The following CA10 variants were observed in gnomAD, a reference collection of about 807,000 sequenced individuals.
CA10 encodes the protein carbonic anhydrase-related protein 10.
CA10 carries 14 observed loss-of-function variants against 44.2 expected under a neutral mutation model. The observed-to-expected ratio is 0.32, with a 90% confidence interval of 0.21 to 0.50. CA10 has a LOEUF of 0.50. Ranked by LOEUF, CA10 falls within the 20% of genes least tolerant of loss-of-function variation. The pLI is 0.99. For missense variants in CA10, 350 were observed against 409.7 expected, an observed-to-expected ratio of 0.85 and a Z score of 1.26; for synonymous variants, 159 against 141.6, an observed-to-expected ratio of 1.12 and a Z score of -0.87.
chr17:51,909,879 C>CTT (rs1981718427), intron 3 of CA10, among the ~76,000 whole-genome samples: 1 of 152,162 alleles, frequency 6.6e-6, no homozygotes, highest in Non-Finnish European at 1.5e-5. Context: ...ACCACCTTCT[C>CTT]TATTTTCACT....
intron 2 of CA10, among the ~76,000 whole-genome samples, chr17:51,944,930 T>C (rs1051998978): frequency 3.3e-5 from 5 of 152,164 alleles, no homozygotes; most frequent in African/African-American, 1.2e-4. Context: ...AAAGAGACTC[T>C]ACTTCTCTGC....
At chr17:51,910,245 C>G (rs1332535748) in intron 3 of CA10, among the ~76,000 whole-genome samples, 1 of 152,030 alleles carries the variant, frequency 6.6e-6, no homozygotes, top group Non-Finnish European at 1.5e-5. Flanking sequence ...CCCTTAAGCT[C>G]TTTCAGAAAA....
At chr17:51,798,441 T>C (rs1906798822) in intron 3 of CA10, among the ~76,000 whole-genome samples, 1 of 152,230 alleles carries the variant, frequency 6.6e-6, no homozygotes, top group South Asian at 2.1e-4. Flanking sequence ...ACTTCTGGTT[T>C]ACAATATCCC....
At chr17:52,048,043 T>TAA (rs201519217) in intron 2 of CA10, among the ~76,000 whole-genome samples, 2,909 of 133,420 alleles carry the variant, frequency 0.022, 59 homozygotes, top group East Asian at 0.031. Flanking sequence ...CCCACAAAAA[T>TAA]TAAAAAAAAA....
intron 2 of CA10, among the ~76,000 whole-genome samples, chr17:52,003,460 C>T (rs1189528644): frequency 1.3e-5 from 2 of 151,912 alleles, no homozygotes; most frequent in Admixed American, 6.6e-5. Flanking sequence ...GGGCTGTGCT[C>T]ACTGTTTCCC....
intron 2 of CA10, among the ~76,000 whole-genome samples, chr17:51,935,905 A>G (rs900982257): frequency 5.3e-5 from 8 of 152,152 alleles, no homozygotes; most frequent in African/African-American, 1.7e-4. Flanking sequence ...TCCGATAAGG[A>G]GAGTTAAAAC....
At chr17:51,959,499 G>A (rs2144047501) in intron 2 of CA10, among the ~76,000 whole-genome samples, 1 of 152,072 alleles carries the variant, frequency 6.6e-6, no homozygotes, top group South Asian at 2.1e-4. Flanking sequence ...AATCATGGAG[G>A]AGAAAGTGGT....
chr17:51,738,726 G>C (rs1480696240), intron 4 of CA10, among the ~76,000 whole-genome samples: 1 of 152,138 alleles, frequency 6.6e-6, no homozygotes, highest in Admixed American at 6.6e-5. Context: ...ATGCCCTTGC[G>C]ATGGGGCTGT....
chr17:51,865,368 T>G (rs1979495934), intron 3 of CA10, among the ~76,000 whole-genome samples: 1 of 152,206 alleles, frequency 6.6e-6, no homozygotes, highest in African/African-American at 2.4e-5. Context: ...ATGGTAGGTG[T>G]TCAATAAAAA....
intron 2 of CA10, among the ~76,000 whole-genome samples, chr17:52,046,026 T>C (rs1368741568): frequency 6.6e-6 from 1 of 151,912 alleles, no homozygotes; most frequent in Non-Finnish European, 1.5e-5. Flanking sequence ...TAGTTTGAAC[T>C]GAATAAAAAT....
chr17:51,932,188 C>T (rs203090), intron 2 of CA10, among the ~76,000 whole-genome samples: 102,922 of 151,790 alleles, frequency 0.68, 35,237 homozygotes, highest in Non-Finnish European at 0.71. Context: ...TATGAGACTC[C>T]GGATGAGGGG....
At chr17:52,124,465 G>T (rs552278573) in intron 1 of CA10, among the ~76,000 whole-genome samples, 1 of 152,288 alleles carries the variant, frequency 6.6e-6, no homozygotes, top group Non-Finnish European at 1.5e-5. Flanking sequence ...GCATGCAGTT[G>T]CTCAAAGCCT....
rs552615116 is a variant in CA10, at chr17:51,788,817, ATT to A, written c.280-41001_280-41000del. 3.3e-3 allele frequency among the ~76,000 whole-genome samples: 497 copies of A among 152,230 alleles called. 1 individual carries two copies. Among genetic ancestry groups the A allele is most frequent in the African/African-American group, 0.011 (470 of 41,530 alleles). ...ATTATCTGTGATTCTGGGCAAAGTAATTTACTCTTCTGCCTCCCACAAGCCTC... is the reference window on the plus strand; with the variant it reads ...ATTATCTGTGATTCTGGGCAAAGTAATACTCTTCTGCCTCCCACAAGCCTC... On this transcript the variant is annotated intron_variant, in intron 3 of 8. Transcript: ENST00000451037.
At chr17:52,066,706 G>A (rs997325356) in intron 2 of CA10, among the ~76,000 whole-genome samples, 1 of 152,172 alleles carries the variant, frequency 6.6e-6, no homozygotes, top group Non-Finnish European at 1.5e-5. Context: ...TTAGCAGCAT[G>A]AGAACAGATT....
chr17:51,701,834 G>T (rs1430894552), intron 4 of CA10, among the ~76,000 whole-genome samples: 1 of 152,156 alleles, frequency 6.6e-6, no homozygotes, highest in African/African-American at 2.4e-5. Context: ...TCTACAAAAG[G>T]TTTTACGACT....
chr17:51,784,703 G>T (rs1191816647), intron 3 of CA10, among the ~76,000 whole-genome samples: 1 of 152,178 alleles, frequency 6.6e-6, no homozygotes, highest in Non-Finnish European at 1.5e-5. Flanking sequence ...TTTGTTACAG[G>T]CATGCAATGC....
chr17:51,970,069 C>T (rs1984226306), intron 2 of CA10, among the ~76,000 whole-genome samples: 1 of 151,966 alleles, frequency 6.6e-6, no homozygotes, highest in Non-Finnish European at 1.5e-5. Context: ...ACGCACACCT[C>T]AGGCCAATGT....
At chr17:51,981,872 AATG>A in intron 2 of CA10, among the ~76,000 whole-genome samples, 1 of 152,150 alleles carries the variant, frequency 6.6e-6, no homozygotes, top group East Asian at 1.9e-4. Flanking sequence ...AACTCACTTA[AATG>A]ATAAGAAGAA....
chr17:51,830,786 T>A (rs1336606770), intron 3 of CA10, among the ~76,000 whole-genome samples: 1 of 152,176 alleles, frequency 6.6e-6, no homozygotes, highest in Non-Finnish European at 1.5e-5. Context: ...ATCTAGTAGA[T>A]ATTTGCCATT....
Sources: gnomAD v4.1 joint callset for allele counts (sites outside exome capture counted in the v4.1 genomes callset) on GRCh38, gnomAD v4.1.1 for gene constraint, MANE v1.5 for transcripts, NCBI Gene and HGNC (gene_info 2026-07-23, HGNC 2026-07-21) for gene names.